The following CYRIB variants were observed in gnomAD, a reference collection of about 807,000 sequenced individuals.
CYRIB encodes the protein CYFIP-related Rac1 interactor B.
In CYRIB, 8 loss-of-function variants were observed where a neutral mutation model predicts 44.2. The ratio of observed to expected loss-of-function variants is 0.18; its 90% CI spans 0.11 to 0.33. The LOEUF is 0.33. CYRIB is among the 10% of genes least tolerant of loss of function. CYRIB has a pLI of 1.00. For missense variants in CYRIB, 185 were observed against 382.8 expected (o/e 0.48, Z 4.31); for synonymous variants, 131 against 127.2 (o/e 1.03, Z -0.20).
intron 2 of CYRIB, among the ~76,000 whole-genome samples, chr8:129,950,571 GA>G (rs1231298522): frequency 0.05 from 6,364 of 127,848 alleles, 377 homozygotes; most frequent in African/African-American, 0.15. Flanking sequence ...CCATCTCAAA[GA>G]AAAAAAAAAA....
At chr8:129,888,967 C>G (rs1247410949) in intron 2 of CYRIB, among the ~76,000 whole-genome samples, 1 of 152,040 alleles carries the variant, frequency 6.6e-6, no homozygotes, top group Non-Finnish European at 1.5e-5. Context: ...GTGGCAGGCG[C>G]CTGTAATCAC....
chr8:130,009,277 T>TA (rs932339787), intron 1 of CYRIB, among the ~76,000 whole-genome samples: 2 of 151,994 alleles, frequency 1.3e-5, no homozygotes, highest in African/African-American at 4.8e-5. Context: ...ATCTTTTTTT[T>TA]TTTTTTTGAG....
At chr8:129,865,348 TG>T (rs989707377) in intron 4 of CYRIB, among the ~76,000 whole-genome samples, 8 of 152,206 alleles carry the variant, frequency 5.3e-5, no homozygotes, top group Non-Finnish European at 1.5e-5. Context: ...ATTGGGGTGA[TG>T]GCAACACTGT....
At chr8:129,876,555 A>T (rs189205377) in intron 3 of CYRIB, among the ~76,000 whole-genome samples, 30 of 152,342 alleles carry the variant, frequency 2.0e-4, no homozygotes, top group Middle Eastern at 3.4e-3. Flanking sequence ...GGGTCATGAG[A>T]GGAGTAAATT....
intron 5 of CYRIB, among the ~76,000 whole-genome samples, chr8:129,858,537 G>A (rs1054471568): frequency 2.6e-5 from 4 of 152,162 alleles, no homozygotes; most frequent in Admixed American, 1.3e-4. Flanking sequence ...GACAACAGTC[G>A]TTTATTCTCA....
intron 1 of CYRIB, among the ~76,000 whole-genome samples, chr8:129,999,044 A>T (rs1008681572): frequency 6.6e-6 from 1 of 152,054 alleles, no homozygotes; most frequent in Non-Finnish European, 1.5e-5. Flanking sequence ...CTTCCCTCGC[A>T]TCTATTCATA....
chr8:129,938,194 A>T (rs1424957510), intron 1 of CYRIB, among the ~76,000 whole-genome samples: 1 of 152,262 alleles, frequency 6.6e-6, no homozygotes, highest in Non-Finnish European at 1.5e-5. Context: ...AACACTTTGC[A>T]AACAGGCTAT....
intron 4 of CYRIB, among the ~76,000 whole-genome samples, chr8:129,863,593 C>T (rs2051299104): frequency 6.6e-6 from 1 of 151,486 alleles, no homozygotes; most frequent in Non-Finnish European, 1.5e-5. Flanking sequence ...AACTAAAATC[C>T]TATCCTATTC....
chr8:130,006,645 TATATAC>T lies in CYRIB; in HGVS notation c.-296+9719_-296+9724del, dbSNP rs1443378447. Among the ~76,000 whole-genome samples the T allele has an allele frequency of 4.6e-5, 6 of 129,686 alleles. 2 individuals are homozygous for T. The highest frequency in any genetic ancestry group is 4.1e-4 in the Admixed American group (5 of 12,172). The allele number at this position is 129,686 out of a possible 152,430, so 85.1% of individuals were successfully genotyped here. On this transcript the variant is annotated intron_variant, in intron 1 of 14. Transcript: ENST00000401979. ...ATATATATACATATATATGTGTATATATATACATATATATATGTATATATATATGTA... is the reference window on the plus strand; with the variant it reads ...ATATATATACATATATATGTGTATATATATATATATGTATATATATATGTA...
chr8:129,849,732 T>G (rs1029212598), intron 9 of CYRIB: 1 of 167,840 alleles, frequency 6.0e-6, no homozygotes, highest in Non-Finnish European at 1.3e-5. Context: ...GTATTCTGGT[T>G]TCTATAATAT....
chr8:129,859,470 G>C lies in CYRIB; in HGVS notation c.301+2759C>G, dbSNP rs561842801. Among the ~76,000 whole-genome samples, 5 of 151,988 alleles carry C rather than the reference G, an allele frequency of 3.3e-5. No homozygotes were observed. The East Asian group carries it at 9.7e-4, about 29-fold the overall frequency. On this transcript the variant is annotated intron_variant, in intron 5 of 11. Coordinates refer to ENST00000519824, the Ensembl canonical transcript of CYRIB. ...AGCAGAGTCTTCTCTAAACTCCCCCGGGGAAAGGGAGACTCCCTTTCCCAG... is the reference window on the plus strand; with the variant it reads ...AGCAGAGTCTTCTCTAAACTCCCCCCGGGAAAGGGAGACTCCCTTTCCCAG...
intron 5 of CYRIB, among the ~76,000 whole-genome samples, chr8:129,859,015 G>A (rs547647022): frequency 6.6e-6 from 1 of 152,276 alleles, no homozygotes; most frequent in South Asian, 2.1e-4. Flanking sequence ...AAGACAGCTG[G>A]GCCCGGGGGA....
intron 4 of CYRIB, among the ~76,000 whole-genome samples, chr8:129,866,651 C>G (rs1367450835): frequency 6.6e-6 from 1 of 152,144 alleles, no homozygotes; most frequent in South Asian, 2.1e-4. Context: ...TTAAAGAAGT[C>G]GATCCTATTT....
intron 1 of CYRIB, among the ~76,000 whole-genome samples, chr8:129,933,598 G>A (rs1041475189): frequency 4.6e-5 from 7 of 152,208 alleles, no homozygotes; most frequent in East Asian, 1.9e-4. Flanking sequence ...CTGATAAGCC[G>A]GGTGCGGTGG....
chr8:129,880,816 T>C (rs186802629), intron 2 of CYRIB, among the ~76,000 whole-genome samples: 302 of 152,342 alleles, frequency 2.0e-3, no homozygotes, highest in African/African-American at 6.8e-3. Context: ...TAAGTAACTA[T>C]AGAAACCATT....
chr8:129,992,098 A>T (rs1160619707), intron 1 of CYRIB, among the ~76,000 whole-genome samples: 2 of 151,742 alleles, frequency 1.3e-5, no homozygotes, highest in Non-Finnish European at 2.9e-5. Flanking sequence ...AGGCATGCAG[A>T]GTGCTTAAGC....
intron 1 of CYRIB, among the ~76,000 whole-genome samples, chr8:129,914,958 A>G (rs2079940473): frequency 6.6e-6 from 1 of 152,150 alleles, no homozygotes; most frequent in Non-Finnish European, 1.5e-5. Context: ...AAGATGCTCA[A>G]CACCATCGGG....
chr8:129,871,100 G>T (rs1392079099), intron 4 of CYRIB, among the ~76,000 whole-genome samples: 1 of 152,114 alleles, frequency 6.6e-6, no homozygotes, highest in African/African-American at 2.4e-5. Context: ...TTTCTCCTAG[G>T]AAGCACCACA....
chr8:129,922,923 A>T (rs1383066863), intron 1 of CYRIB, among the ~76,000 whole-genome samples: 1 of 144,140 alleles, frequency 6.9e-6, no homozygotes, highest in African/African-American at 2.6e-5. Context: ...TACTCCTACT[A>T]AGAATAGTAA....
Sources: gnomAD v4.1 joint callset for allele counts (sites outside exome capture counted in the v4.1 genomes callset) on GRCh38, gnomAD v4.1.1 for gene constraint, MANE v1.5 for transcripts, NCBI Gene and HGNC (gene_info 2026-07-23, HGNC 2026-07-21) for gene names.